The following MYO7A variants were observed in gnomAD, a reference collection of about 807,000 sequenced individuals.
The protein encoded by MYO7A is myosin VIIA.
A neutral mutation model predicts 263.8 loss-of-function variants in MYO7A; 210 were observed. The observed-to-expected ratio is 0.80, with a 90% CI of 0.71 to 0.89. The LOEUF (loss-of-function observed/expected upper bound fraction) is 0.89. Among genes scored for constraint, MYO7A ranks in the 40% least tolerant of loss-of-function variants. The pLI, the probability that MYO7A is intolerant of heterozygous loss-of-function variation, is 0.00. For synonymous variants in MYO7A, 1,239 were observed against 1,197.3 expected (o/e 1.03, Z -0.72); for missense variants, 2,820 against 2,968.3 (o/e 0.95, Z 1.16).
chr11:77,155,596 C>A (rs1952380850), intron 4 of MYO7A, among the ~76,000 whole-genome samples: 1 of 152,204 alleles, frequency 6.6e-6, no homozygotes, highest in South Asian at 2.1e-4. Context: ...TAAAAGATAC[C>A]ACCTCCTTTA....
intron 18 of MYO7A, among the ~76,000 whole-genome samples, chr11:77,177,347 C>T (rs547271140): frequency 2.2e-4 from 33 of 152,294 alleles, no homozygotes; most frequent in African/African-American, 7.7e-4. Flanking sequence ...CTGCCTGGAC[C>T]TCTGGGAAAC....
At chr11:77,168,566 A>G (rs1953781484) in intron 15 of MYO7A, among the ~76,000 whole-genome samples, 1 of 152,116 alleles carries the variant, frequency 6.6e-6, no homozygotes, top group Non-Finnish European at 1.5e-5. Flanking sequence ...AGGCCAAGGC[A>G]GGAGGATTGC....
chr11:77,177,450 C>T (rs1274733741), intron 18 of MYO7A, 99 bp from the exon 19 acceptor site: 2 of 972,198 alleles, frequency 2.1e-6, no homozygotes, highest in Admixed American at 2.0e-5. Flanking sequence ...GAGTTCTTGA[C>T]CTGTGCTCCC....
Position 77,173,949 on chromosome 11 carries a change from G to A in MYO7A, c.1936-807G>A, listed in dbSNP as rs368089843. Among the ~76,000 whole-genome samples the A allele has an allele frequency of 4.9e-4, 74 of 152,004 alleles. 1 individual carries two copies. Among genetic ancestry groups the A allele is most frequent in the African/African-American group, 1.6e-3 (67 of 41,446 alleles). On this transcript the variant is annotated intron_variant, in intron 16 of 48. Coordinates refer to ENST00000409709, the MANE Select transcript of MYO7A (RefSeq NM_000260.4). ...GGCTCTGAAGTGGGACCCTTCCCTC[G>A]GCCCAGTCCTCAGCATCTGTGGACT...
chr11:77,193,948 G>A, intron 31 of MYO7A: 1 of 458,722 alleles, frequency 2.2e-6, no homozygotes, highest in South Asian at 1.6e-5. Context: ...CTCTGACCCT[G>A]CCAGCAGACC....
intron 19 of MYO7A, among the ~76,000 whole-genome samples, chr11:77,178,363 T>TTCACTCATCCATCCACCCACCCACCCAC (rs1954859767): frequency 2.9e-5 from 1 of 34,160 alleles, no homozygotes; most frequent in African/African-American, 9.7e-5. Context: ...CACCCACCCA[T>TTCACTCATCCATCCACCCACCCACCCAC]CCATTCACTC....
chr11:77,202,290 T>C lies in MYO7A; in HGVS notation c.5044-10T>C. ...GAGCTGACCTGAGCCCCCTGTCTCT[T>C]GGTCCCTAGGCCCTGGTCACCATGA... On this transcript the variant is annotated splice_polypyrimidine_tract_variant and intron_variant, in intron 36 of 48. Coordinates refer to ENST00000409709, the MANE Select transcript of MYO7A (RefSeq NM_000260.4). 1 of 1,580,578 alleles carries C rather than the reference T, an allele frequency of 6.3e-7. No individual in the cohort carries two copies. The highest frequency in any genetic ancestry group is 8.6e-7 in the Non-Finnish European group (1 of 1,161,852).
In MYO7A at chr11:77,158,279, T is replaced by C; in HGVS notation, c.852T>C (p.Gly284=). The change falls in exon 9 of 49, where the codon GGT becomes GGC. Residue 284 remains glycine, a splice_region_variant and synonymous_variant. Transcript: ENST00000409709. The part of the protein sequence containing the change: ...QASDYNYLAM[G]NCITCEGRVD... ...CACTCTCCCACCCTGCCCACCAGGGTAACTGCATAACCTGTGAGGGCCGGG... is the reference window on the plus strand; with the variant it reads ...CACTCTCCCACCCTGCCCACCAGGGCAACTGCATAACCTGTGAGGGCCGGG... The C allele has an allele frequency of 2.5e-6, 4 of 1,594,464 alleles. No individual in the cohort carries two copies. Among genetic ancestry groups the C allele is most frequent in the South Asian group, 2.2e-5 (2 of 89,290 alleles).
intron 2 of MYO7A, among the ~76,000 whole-genome samples, chr11:77,132,467 T>TTTTGTTTG (rs113813737): frequency 4.4e-4 from 66 of 151,158 alleles, no homozygotes; most frequent in East Asian, 8.0e-4. Context: ...AAAACAGGGG[T>TTTTGTTTG]TTTGTTTGTT....
At chr11:77,198,266 A>C (rs1956813527) in intron 33 of MYO7A, among the ~76,000 whole-genome samples, 1 of 152,226 alleles carries the variant, frequency 6.6e-6, no homozygotes, top group South Asian at 2.1e-4. Context: ...CCAAAGCTGC[A>C]CAAAGACCAG....
intron 16 of MYO7A, 110 bp downstream of exon 16, chr11:77,172,995 G>A: frequency 7.1e-7 from 1 of 1,400,532 alleles, no homozygotes; most frequent in Non-Finnish European, 9.5e-7. Flanking sequence ...TGTCCCTTTG[G>A]GGAATGGGGG....
At chr11:77,157,104 A>T (rs1555063517) in intron 7 of MYO7A, 100 bp downstream of exon 7, 1 of 1,509,556 alleles carries the variant, frequency 6.6e-7, no homozygotes, top group African/African-American at 1.4e-5. Flanking sequence ...TTGCTCCCCC[A>T]CCTGCCCGTA....
chr11:77,164,133 G>A (rs1953305796), intron 14 of MYO7A, among the ~76,000 whole-genome samples: 1 of 152,164 alleles, frequency 6.6e-6, no homozygotes, highest in Non-Finnish European at 1.5e-5. Context: ...CTGGGGACAG[G>A]CAATTGGGTT....
chr11:77,204,789 C>T (rs1264092314), intron 39 of MYO7A, among the ~76,000 whole-genome samples: 2 of 152,220 alleles, frequency 1.3e-5, no homozygotes, highest in Admixed American at 1.3e-4. Context: ...GCTGTGTCAC[C>T]CTCTACATCT....
intron 27 of MYO7A, among the ~76,000 whole-genome samples, chr11:77,189,070 A>G (rs903634183): frequency 6.6e-6 from 1 of 152,166 alleles, no homozygotes; most frequent in Non-Finnish European, 1.5e-5. Flanking sequence ...CTGAGCCCAG[A>G]GCAGGATACG....
At chr11:77,130,812 G>A (rs1233966959) in intron 2 of MYO7A, among the ~76,000 whole-genome samples, 160 bp downstream of exon 2, 1 of 152,234 alleles carries the variant, frequency 6.6e-6, no homozygotes, top group African/African-American at 2.4e-5. Flanking sequence ...TCTGAAACCT[G>A]TTCCCTCTGC....
At chr11:77,143,058 G>A (rs959400252) in intron 3 of MYO7A, among the ~76,000 whole-genome samples, 1 of 152,220 alleles carries the variant, frequency 6.6e-6, no homozygotes, top group Non-Finnish European at 1.5e-5. Flanking sequence ...TCTGCATGGT[G>A]TTAGAGATGT....
rs150654627 is a variant in MYO7A, at chr11:77,199,633, C to T, written c.4667C>T (p.Pro1556Leu). The stretch of plus-strand genomic sequence containing the variant: ...CTGACCCCGGCGGGGCCCTGTTCTC[C>T]GTGTTGGTCCTGCAGGGGAGCGAAA... ...AGLTPAGPCS[P>L]CWSCRGAKTT... is the part of the protein sequence containing the mutation. Residue 1556 changes from proline (P) to leucine (L), a missense_variant, in exon 35 of 49, where the codon CCG becomes CTG. By Grantham distance (98) the Pro-to-Leu change is moderately conservative. Coordinates refer to ENST00000409709, the MANE Select transcript of MYO7A (RefSeq NM_000260.4). 1.3e-4 allele frequency: 206 copies of T among 1,610,450 alleles called. No individual in the cohort carries two copies. In the African/African-American group the frequency reaches 1.8e-3, roughly 14 times the overall value.
At chr11:77,157,771 C>T (rs1952633923) in intron 8 of MYO7A, among the ~76,000 whole-genome samples, 1 of 152,172 alleles carries the variant, frequency 6.6e-6, no homozygotes, top group Admixed American at 6.5e-5. Context: ...TGTCCCTGGA[C>T]ACTTTCTGTA....
Sources: allele counts gnomAD v4.1 joint callset (sites outside exome capture counted in the v4.1 genomes callset), GRCh38; gene constraint gnomAD v4.1.1; transcripts MANE v1.5; gene names NCBI Gene and HGNC (gene_info 2026-07-23, HGNC 2026-07-21).